MPPED2: variants seen among roughly 807,000 people sequenced by gnomAD.
MPPED2 encodes the protein metallophosphoesterase domain containing 2.
MPPED2 carries 5 observed loss-of-function variants against 33.0 expected under a neutral mutation model. That is an observed-to-expected ratio of 0.15 (90% CI 0.08 to 0.32). The LOEUF is 0.32. MPPED2 is among the 10% of genes least tolerant of loss of function. The probability of loss-of-function intolerance (pLI) is 1.00; values close to 1 mark genes in which losing one functional copy is unlikely to be tolerated. For synonymous variants in MPPED2, 136 were observed against 141.9 expected (o/e 0.96, Z 0.29); for missense variants, 275 against 372.1 (o/e 0.74, Z 2.15).
At chr11:30,538,906 A>G (rs1954950797) in intron 2 of MPPED2, among the ~76,000 whole-genome samples, 1 of 152,200 alleles carries the variant, frequency 6.6e-6, no homozygotes, top group Admixed American at 6.5e-5. Flanking sequence ...CATAGGAATA[A>G]GTACAAAGCA....
At chr11:30,426,929 A>C (rs1026792887) in intron 4 of MPPED2, among the ~76,000 whole-genome samples, 2 of 152,082 alleles carry the variant, frequency 1.3e-5, no homozygotes, top group African/African-American at 4.8e-5. Context: ...ACCACAACAC[A>C]CAAAAACCCA....
intron 3 of MPPED2, among the ~76,000 whole-genome samples, chr11:30,526,663 C>T (rs977362096): frequency 6.6e-6 from 1 of 150,992 alleles, no homozygotes; most frequent in South Asian, 2.1e-4. Context: ...GAAATCGTGC[C>T]ACTGCACTCC....
chr11:30,420,030 C>A (rs1159433754), intron 4 of MPPED2, among the ~76,000 whole-genome samples: 2 of 152,118 alleles, frequency 1.3e-5, no homozygotes, highest in African/African-American at 2.4e-5. Context: ...CTGGGGTAAG[C>A]AATAATGTCT....
chr11:30,550,112 T>C (rs1029334054), intron 2 of MPPED2, among the ~76,000 whole-genome samples: 1 of 152,158 alleles, frequency 6.6e-6, no homozygotes, highest in African/African-American at 2.4e-5. Context: ...AGGAAAGCAG[T>C]CCTCGCTGAT....
intron 2 of MPPED2, among the ~76,000 whole-genome samples, chr11:30,544,777 A>G (rs1590797254): frequency 6.6e-6 from 1 of 152,342 alleles, no homozygotes; most frequent in Non-Finnish European, 1.5e-5. Context: ...TGGGCTAGGA[A>G]GAAGGACAGG....
chr11:30,540,504 T>C lies in MPPED2; in HGVS notation c.129-4329A>G, dbSNP rs185099708. On this transcript the variant is annotated intron_variant, in intron 2 of 6. Transcript: ENST00000358117. ...AGAACAGTGTCTGACATGAAGTAGA[T>C]ACCCAATAAATGTTAGTATTTTTTT... Among the ~76,000 whole-genome samples, 3 of 152,304 alleles carry C rather than the reference T, an allele frequency of 2.0e-5. No homozygotes were observed. The East Asian group carries it at 5.8e-4, about 29-fold the overall frequency.
At chr11:30,470,714 C>T (rs992560365) in intron 4 of MPPED2, among the ~76,000 whole-genome samples, 6 of 152,174 alleles carry the variant, frequency 3.9e-5, no homozygotes, top group Non-Finnish European at 7.3e-5. Context: ...CCCCAAATCT[C>T]CCACTCTTCC....
chr11:30,389,332 G>A (rs1439397675), intron 6 of MPPED2, among the ~76,000 whole-genome samples: 2 of 152,252 alleles, frequency 1.3e-5, no homozygotes, highest in South Asian at 2.1e-4. Context: ...GTGGTCACCC[G>A]CAGAACCAAA....
At chr11:30,486,159 C>T (rs1253518819) in intron 4 of MPPED2, among the ~76,000 whole-genome samples, 3 of 152,142 alleles carry the variant, frequency 2.0e-5, no homozygotes, top group Non-Finnish European at 4.4e-5. Context: ...CTTGTGAACA[C>T]ATCTGAGCCA....
chr11:30,422,456 G>A (rs1271033832), intron 4 of MPPED2, among the ~76,000 whole-genome samples: 1 of 152,024 alleles, frequency 6.6e-6, no homozygotes, highest in Non-Finnish European at 1.5e-5. Flanking sequence ...CAAGTCTAGT[G>A]TGAGAGAAAT....
intron 4 of MPPED2, among the ~76,000 whole-genome samples, chr11:30,472,604 A>G (rs1205340529): frequency 6.6e-6 from 1 of 152,242 alleles, no homozygotes; most frequent in Non-Finnish European, 1.5e-5. Context: ...AAATTCTAAC[A>G]CATGCTACAA....
chr11:30,537,605 C>A (rs1954882641), intron 2 of MPPED2, among the ~76,000 whole-genome samples: 1 of 152,074 alleles, frequency 6.6e-6, no homozygotes, highest in South Asian at 2.1e-4. Flanking sequence ...CAATGACTAA[C>A]CTTTTTATTT....
chr11:30,499,378 A>T (rs1313413005), intron 3 of MPPED2, among the ~76,000 whole-genome samples: 2 of 152,192 alleles, frequency 1.3e-5, no homozygotes, highest in African/African-American at 4.8e-5. Context: ...AAATCCCAAA[A>T]TCCAAAATCT....
intron 3 of MPPED2, among the ~76,000 whole-genome samples, chr11:30,508,078 C>T (rs1357279233): frequency 6.6e-6 from 1 of 152,130 alleles, no homozygotes. Flanking sequence ...TGTGTTTTCT[C>T]CTAATTAGTA....
At chr11:30,513,428 C>T (rs918927320) in intron 3 of MPPED2, among the ~76,000 whole-genome samples, 5 of 152,196 alleles carry the variant, frequency 3.3e-5, no homozygotes, top group Admixed American at 2.0e-4. Flanking sequence ...AGTGTCTTTC[C>T]ATCTCTTCGT....
chr11:30,470,610 A>C (rs1050517748), intron 4 of MPPED2, among the ~76,000 whole-genome samples: 4 of 152,160 alleles, frequency 2.6e-5, no homozygotes, highest in African/African-American at 9.7e-5. Context: ...CATGAATTAT[A>C]TCTCTACAAA....
In MPPED2 at chr11:30,387,578, G is replaced by A. The variant is rs184487581; in HGVS notation, c.*1311C>T. 19 of 152,248 alleles carry A rather than the reference G, an allele frequency of 1.2e-4. No homozygotes were observed. In the East Asian group the frequency reaches 2.9e-3, roughly 23 times the overall value. 9.4% of individuals were successfully genotyped at this position (152,248 alleles called of 1,614,324 possible). A position where few individuals can be genotyped will look rare whatever the true frequency, so the allele number is the denominator to read the frequency against. On this transcript the variant is annotated 3_prime_UTR_variant, in exon 7 of 7. Coordinates refer to the MPPED2 transcript ENST00000448418. ...CCATCAGAAAAGGAACGGAGCAATG[G>A]GATCAGGGAGCATGTGGAGGTGGTC...
chr11:30,500,466 T>C (rs1590598314), intron 3 of MPPED2, among the ~76,000 whole-genome samples: 1 of 152,224 alleles, frequency 6.6e-6, no homozygotes, highest in East Asian at 1.9e-4. Context: ...ACTATTACAA[T>C]TTAAACTGTG....
intron 4 of MPPED2, among the ~76,000 whole-genome samples, chr11:30,469,611 T>A (rs1281123943): frequency 6.6e-6 from 1 of 152,200 alleles, no homozygotes; most frequent in Non-Finnish European, 1.5e-5. Context: ...TCCTTTTCTA[T>A]AGTTAAAGGT....
Sources: allele counts gnomAD v4.1 joint callset (sites outside exome capture counted in the v4.1 genomes callset), GRCh38; gene constraint gnomAD v4.1.1; transcripts MANE v1.5; gene names NCBI Gene and HGNC (gene_info 2026-07-23, HGNC 2026-07-21).